ROR1: variants seen among roughly 807,000 people sequenced by gnomAD.
The protein encoded by ROR1 is inactive tyrosine-protein kinase transmembrane receptor ROR1.
ROR1 carries 19 observed loss-of-function variants against 78.8 expected under a neutral mutation model. The observed-to-expected ratio is 0.24, with a 90% CI of 0.17 to 0.35. The LOEUF is 0.35. ROR1 is among the 10% of genes least tolerant of loss of function. ROR1 has a pLI of 1.00. For missense variants in ROR1, 917 were observed against 1,177.8 expected, an observed-to-expected ratio of 0.78 and a Z score of 3.24; for synonymous variants, 386 against 433.6, an observed-to-expected ratio of 0.89 and a Z score of 1.36.
At chr1:64,155,498 T>C (rs1026737346) in intron 7 of ROR1, among the ~76,000 whole-genome samples, 1 of 152,306 alleles carries the variant, frequency 6.6e-6, no homozygotes, top group African/African-American at 2.4e-5. Context: ...CTTGTTAGCA[T>C]ATCCTCAGTG....
At chr1:64,075,493 A>G (rs1384558944) in intron 4 of ROR1, among the ~76,000 whole-genome samples, 3 of 152,144 alleles carry the variant, frequency 2.0e-5, no homozygotes, top group Admixed American at 6.5e-5. Flanking sequence ...GTGATAATTC[A>G]TGCTGTATGG....
intron 2 of ROR1, among the ~76,000 whole-genome samples, chr1:64,028,641 A>T (rs1646635039): frequency 6.6e-6 from 1 of 152,030 alleles, no homozygotes; most frequent in Non-Finnish European, 1.5e-5. Context: ...CCATTCTAAG[A>T]GGACTTAAAA....
chr1:63,817,596 C>T (rs918915507), intron 1 of ROR1, among the ~76,000 whole-genome samples: 5 of 152,180 alleles, frequency 3.3e-5, no homozygotes, highest in South Asian at 2.1e-4. Context: ...GATTAAAGCA[C>T]GATTGTCTTT....
chr1:64,012,752 C>T (rs1268987319), intron 2 of ROR1, among the ~76,000 whole-genome samples: 2 of 151,912 alleles, frequency 1.3e-5, no homozygotes, highest in African/African-American at 2.4e-5. Flanking sequence ...ATGTTTAAAA[C>T]GTTTCATGGT....
chr1:64,058,125 A>T (rs936158024), intron 4 of ROR1, among the ~76,000 whole-genome samples: 1 of 152,088 alleles, frequency 6.6e-6, no homozygotes, highest in Non-Finnish European at 1.5e-5. Flanking sequence ...ATATCATCTC[A>T]GTTTATTCAT....
At chr1:64,126,043 C>T (rs1455107974) in intron 4 of ROR1, among the ~76,000 whole-genome samples, 1 of 152,090 alleles carries the variant, frequency 6.6e-6, no homozygotes, top group Non-Finnish European at 1.5e-5. Flanking sequence ...CATATTTTCT[C>T]ATGAACTAAT....
At chr1:63,877,099 T>C (rs984826752) in intron 1 of ROR1, among the ~76,000 whole-genome samples, 2 of 152,080 alleles carry the variant, frequency 1.3e-5, no homozygotes, top group Non-Finnish European at 2.9e-5. Flanking sequence ...GATTTTCTAG[T>C]GAGGCAGAGT....
intron 1 of ROR1, among the ~76,000 whole-genome samples, chr1:63,994,590 A>T (rs1324069502): frequency 6.6e-6 from 1 of 152,180 alleles, no homozygotes; most frequent in Non-Finnish European, 1.5e-5. Flanking sequence ...AGGCCTGAAG[A>T]AGAGGGTCCT....
chr1:63,840,276 G>A (rs952623023), intron 1 of ROR1, among the ~76,000 whole-genome samples: 4 of 140,236 alleles, frequency 2.9e-5, no homozygotes, highest in Non-Finnish European at 6.1e-5. Flanking sequence ...TCTGCTTGTC[G>A]TTTAGTTTTT....
intron 1 of ROR1, among the ~76,000 whole-genome samples, chr1:63,782,114 AG>A (rs1644654974): frequency 6.6e-6 from 1 of 152,188 alleles, no homozygotes; most frequent in Non-Finnish European, 1.5e-5. Flanking sequence ...ATATTCTGAT[AG>A]TCTCACTGGA....
At chr1:63,843,141 A>G (rs1645059513) in intron 1 of ROR1, 1 of 810,778 alleles carries the variant, frequency 1.2e-6, no homozygotes, top group Non-Finnish European at 2.1e-6. Flanking sequence ...GCAACCCCCG[A>G]GGGCAGATGT....
At chr1:64,009,039 T>G (rs926409591) in intron 1 of ROR1, among the ~76,000 whole-genome samples, 1 of 152,112 alleles carries the variant, frequency 6.6e-6, no homozygotes, top group African/African-American at 2.4e-5. Context: ...TAATGTAATA[T>G]TTTACATTTT....
chr1:63,836,922 C>T (rs1039930865), intron 1 of ROR1, among the ~76,000 whole-genome samples: 6 of 152,074 alleles, frequency 3.9e-5, no homozygotes, highest in South Asian at 2.1e-4. Context: ...CCTCTTATAG[C>T]GATGAAGTGT....
chr1:63,800,670 T>G (rs1262767236), intron 1 of ROR1, among the ~76,000 whole-genome samples: 1 of 152,218 alleles, frequency 6.6e-6, no homozygotes, highest in Non-Finnish European at 1.5e-5. Flanking sequence ...TTGCTGGAAA[T>G]GCAGAATCTC....
intron 7 of ROR1, among the ~76,000 whole-genome samples, chr1:64,147,790 C>T (rs1649513622): frequency 6.6e-6 from 1 of 152,144 alleles, no homozygotes; most frequent in African/African-American, 2.4e-5. Context: ...AACCAGGTCT[C>T]CTATCTCTAG....
At chr1:63,795,831 A>G (rs1644756600) in intron 1 of ROR1, among the ~76,000 whole-genome samples, 1 of 152,168 alleles carries the variant, frequency 6.6e-6, no homozygotes, top group African/African-American at 2.4e-5. Context: ...TTCTCCCCAT[A>G]AATTAAATTT....
At chr1:64,117,749 C>A (rs1648362584) in intron 4 of ROR1, among the ~76,000 whole-genome samples, 1 of 152,216 alleles carries the variant, frequency 6.6e-6, no homozygotes, top group Admixed American at 6.5e-5. Flanking sequence ...GCTGACAGTG[C>A]CTGCCTTCCT....
At chr1:63,897,538 G>C (rs530726141) in intron 1 of ROR1, among the ~76,000 whole-genome samples, 1 of 152,142 alleles carries the variant, frequency 6.6e-6, no homozygotes, top group Non-Finnish European at 1.5e-5. Context: ...TTGTTTCTCG[G>C]TTCCTTCTTT....
chr1:63,830,994 G>T (rs1254935030), intron 1 of ROR1, among the ~76,000 whole-genome samples: 1 of 152,222 alleles, frequency 6.6e-6, no homozygotes, highest in South Asian at 2.1e-4. Flanking sequence ...AAATCTTAAA[G>T]CTCCAAAATA....
Sources: allele counts gnomAD v4.1 joint callset (sites outside exome capture counted in the v4.1 genomes callset), GRCh38; gene constraint gnomAD v4.1.1; transcripts MANE v1.5; gene names NCBI Gene and HGNC (gene_info 2026-07-23, HGNC 2026-07-21).